Variants in CDH8 observed in about 807,000 individuals in gnomAD.
CDH8 encodes cadherin-8.
CDH8 carries 17 observed loss-of-function variants against 68.1 expected under a neutral mutation model. The ratio of observed to expected loss-of-function variants is 0.25; its 90% CI spans 0.17 to 0.37. The LOEUF is 0.37. CDH8 is among the 10% of genes least tolerant of loss of function. CDH8 has a pLI of 1.00. For missense variants in CDH8, 763 were observed against 999.3 expected, an observed-to-expected ratio of 0.76 and a Z score of 3.19; for synonymous variants, 372 against 365.1, an observed-to-expected ratio of 1.02 and a Z score of -0.21.
intron 2 of CDH8, among the ~76,000 whole-genome samples, chr16:61,977,896 A>T (rs780438635): frequency 2.0e-5 from 3 of 151,862 alleles, no homozygotes; most frequent in African/African-American, 7.3e-5. Context: ...GCCTAGCACT[A>T]CTAAGCATTC....
At chr16:61,965,687 A>G (rs1185324348) in intron 2 of CDH8, among the ~76,000 whole-genome samples, 9 of 152,168 alleles carry the variant, frequency 5.9e-5, no homozygotes, top group African/African-American at 1.9e-4. Flanking sequence ...ATATACACAA[A>G]AGCATTTTAC....
chr16:61,738,309 T>A (rs1206318398), intron 8 of CDH8, among the ~76,000 whole-genome samples: 1 of 152,184 alleles, frequency 6.6e-6, no homozygotes, highest in Non-Finnish European at 1.5e-5. Context: ...GCAGGTCTCT[T>A]GTTTATTACA....
chr16:61,656,735 C>A (rs921202922), intron 10 of CDH8, among the ~76,000 whole-genome samples: 3 of 152,184 alleles, frequency 2.0e-5, no homozygotes, highest in Non-Finnish European at 4.4e-5. Context: ...TCTGGAGCAA[C>A]AGTTAAGCAA....
intron 1 of CDH8, among the ~76,000 whole-genome samples, chr16:62,033,925 A>G (rs563491184): frequency 2.0e-5 from 3 of 152,302 alleles, no homozygotes; most frequent in African/African-American, 4.8e-5. Context: ...TGAAATGACT[A>G]TGTGACAGCG....
chr16:61,986,533 C>G (rs117046054), intron 2 of CDH8, among the ~76,000 whole-genome samples: 2 of 152,108 alleles, frequency 1.3e-5, no homozygotes, highest in Non-Finnish European at 2.9e-5. Flanking sequence ...AGGAAGAATG[C>G]GCACTTTGAG....
chr16:61,687,393 A>T (rs1428091907), intron 10 of CDH8, among the ~76,000 whole-genome samples: 1 of 151,978 alleles, frequency 6.6e-6, no homozygotes, highest in Admixed American at 6.6e-5. Context: ...TTTGTAGACC[A>T]GGACACTGAG....
intron 2 of CDH8, among the ~76,000 whole-genome samples, chr16:61,991,741 G>A (rs1446415079): frequency 6.6e-6 from 1 of 151,980 alleles, no homozygotes; most frequent in African/African-American, 2.4e-5. Flanking sequence ...CCCCTTTATC[G>A]CTTGCCTTCG....
At position 61,783,050 on chromosome 16, in the gene CDH8, G is replaced by A. The variant is rs867759070; in HGVS notation, c.1414+6296C>T. The stretch of plus-strand genomic sequence containing the variant: ...AGCGCCTCTCCTCCTCCAAAGGAAC[G>A]CAGTTCCTCACCAGCAATGGAACAA... On this transcript the variant is annotated intron_variant, in intron 8 of 11. Coordinates refer to ENST00000577390, the MANE Select transcript of CDH8 (RefSeq NM_001796.5). Among the ~76,000 whole-genome samples the A allele has an allele frequency of 8.4e-3, 1,257 of 148,954 alleles. 10 individuals are homozygous for A. The highest frequency in any genetic ancestry group is 0.029 in the African/African-American group (1,159 of 40,318).
At chr16:61,847,538 T>TATATA (rs1962833029) in intron 4 of CDH8, among the ~76,000 whole-genome samples, 1 of 136,750 alleles carries the variant, frequency 7.3e-6, no homozygotes, top group Non-Finnish European at 1.6e-5. Context: ...TCCAATCATT[T>TATATA]TATATATATA....
chr16:61,998,216 TTGA>T (rs1173339949), intron 2 of CDH8, among the ~76,000 whole-genome samples: 5 of 152,224 alleles, frequency 3.3e-5, no homozygotes, highest in Non-Finnish European at 7.3e-5. Flanking sequence ...AATTAAACAC[TTGA>T]TGAATATGGT....
At chr16:61,976,144 G>A (rs1206061247) in intron 2 of CDH8, among the ~76,000 whole-genome samples, 5 of 152,282 alleles carry the variant, frequency 3.3e-5, no homozygotes, top group Non-Finnish European at 5.9e-5. Context: ...AAGTTCCTCA[G>A]AGAAAATGCT....
rs1963331354 is a variant in CDH8 at position 61,651,921 on chromosome 16, T to A, written c.*1687A>T. 1 of 219,874 alleles carries A rather than the reference T, an allele frequency of 4.5e-6. No homozygotes were observed. The highest frequency in any genetic ancestry group is 1.6e-4 in the South Asian group (1 of 6,116). The allele number at this position is 219,874 out of a possible 1,614,324, so 13.6% of individuals were successfully genotyped here. ...CAAACAAAAGTGACCCTTGGGATGA[T>A]TTGGTTGAGTATTCTAGAATTTTAG... On this transcript the variant is annotated 3_prime_UTR_variant, in exon 12 of 12. Transcript: ENST00000577390.
At chr16:61,673,381 A>G (rs890225989) in intron 10 of CDH8, among the ~76,000 whole-genome samples, 9 of 152,136 alleles carry the variant, frequency 5.9e-5, no homozygotes, top group African/African-American at 2.2e-4. Flanking sequence ...AATACATTTC[A>G]TTCATCATTA....
At chr16:61,995,833 A>C (rs982501509) in intron 2 of CDH8, among the ~76,000 whole-genome samples, 34 of 152,356 alleles carry the variant, frequency 2.2e-4, no homozygotes, top group African/African-American at 8.2e-4. Flanking sequence ...GGATGAAGGA[A>C]AAATTGCTTT....
At chr16:61,982,856 A>C (rs958274475) in intron 2 of CDH8, among the ~76,000 whole-genome samples, 13 of 152,340 alleles carry the variant, frequency 8.5e-5, no homozygotes, top group African/African-American at 2.9e-4. Context: ...CCTTTAGCTT[A>C]TGAGTGAGCC....
intron 8 of CDH8, among the ~76,000 whole-genome samples, chr16:61,749,919 T>C (rs1960115416): frequency 6.6e-6 from 1 of 152,092 alleles, no homozygotes; most frequent in Non-Finnish European, 1.5e-5. Flanking sequence ...TTTCAAATTT[T>C]ATTTTAGATT....
intron 2 of CDH8, among the ~76,000 whole-genome samples, chr16:62,013,371 ATGAC>A (rs1369523841): frequency 5.3e-5 from 8 of 152,124 alleles, no homozygotes; most frequent in African/African-American, 1.9e-4. Flanking sequence ...TAGCGGTAGA[ATGAC>A]TGAAAGTATT....
At chr16:61,990,349 C>G (rs1965694880) in intron 2 of CDH8, among the ~76,000 whole-genome samples, 1 of 112,222 alleles carries the variant, frequency 8.9e-6, no homozygotes, top group Non-Finnish European at 1.7e-5. Context: ...AAGTCTCACT[C>G]TGTCACCCAG....
At chr16:61,931,908 A>C (rs1964545578) in intron 2 of CDH8, among the ~76,000 whole-genome samples, 1 of 152,136 alleles carries the variant, frequency 6.6e-6, no homozygotes, top group African/African-American at 2.4e-5. Context: ...ATGTGATAGA[A>C]TATAATGAAA....
Sources: allele counts gnomAD v4.1 joint callset (sites outside exome capture counted in the v4.1 genomes callset), GRCh38; gene constraint gnomAD v4.1.1; transcripts MANE v1.5; gene names NCBI Gene and HGNC (gene_info 2026-07-23, HGNC 2026-07-21).